The following KCNK4 variants were observed in gnomAD, a reference collection of about 807,000 sequenced individuals.
The protein encoded by KCNK4 is potassium channel subfamily K member 4.
A neutral mutation model predicts 28.8 loss-of-function variants in KCNK4; 22 were observed. The observed-to-expected ratio is 0.76, with a 90% CI of 0.55 to 1.09. KCNK4 has a LOEUF of 1.09. KCNK4 is among the 50% of genes least tolerant of loss of function. The pLI, the probability that KCNK4 is intolerant of heterozygous loss-of-function variation, is 0.00. For synonymous variants in KCNK4, 263 were observed against 252.9 expected (o/e 1.04, Z -0.38); for missense variants, 483 against 546.3 (o/e 0.88, Z 1.15).
chr11:64,297,789 C>G, intron 5 of KCNK4, 136 bp downstream of exon 5: 1 of 889,462 alleles, frequency 1.1e-6, no homozygotes, highest in South Asian at 1.7e-5. Flanking sequence ...ACCATCACAG[C>G]CTTGCACACA....
intron 1 of KCNK4, chr11:64,291,931 C>G (rs1398579798): frequency 1.3e-6 from 1 of 749,936 alleles, no homozygotes; most frequent in Non-Finnish European, 1.7e-6. Context: ...CGCCACGCTC[C>G]GAGGCGTCGC....
intron 1 of KCNK4, chr11:64,292,535 C>G (rs1398950962): frequency 6.5e-6 from 1 of 152,952 alleles, no homozygotes; most frequent in Non-Finnish European, 1.5e-5. Context: ...TTGCGCTGTC[C>G]GGCCTCTCCT....
rs970775199 is a variant in KCNK4 at position 64,291,674 on chromosome 11, G to T, written c.-78+108G>T. 4.0e-3 allele frequency: 604 copies of T among 152,014 alleles called. 3 individuals are homozygous for T. The highest frequency in any genetic ancestry group is 6.9e-3 in the Middle Eastern group (2 of 290). The allele number at this position is 152,014 out of a possible 1,614,324, so 9.4% of individuals were successfully genotyped here. A position where few individuals can be genotyped will look rare whatever the true frequency, so the allele number is the denominator to read the frequency against. ...GGGGGCTTCTGCCGGCGGGAGGGGG[G>T]TCCCAGCCCCGGCGGCCGCCCGCTC... On this transcript the variant is annotated intron_variant, in intron 1 of 6. Coordinates refer to ENST00000422670, the MANE Select transcript of KCNK4 (RefSeq NM_033310.3).
rs2034886026 is a variant in KCNK4 at position 64,299,816 on chromosome 11, C to T, written c.*90C>T. 6.5e-7 allele frequency: 1 copy of T among 1,535,536 alleles called. No individual in the cohort carries two copies. Among genetic ancestry groups the T allele is most frequent in the South Asian group, 1.2e-5 (1 of 84,074 alleles). On this transcript the variant is annotated 3_prime_UTR_variant, in exon 7 of 7. Transcript: ENST00000422670. ...GTTTGACCAAAGAGCCCTCTTTCCACGAGACTGAAGTCTGGGGAGGAGGCT... is the reference window on the plus strand; with the variant it reads ...GTTTGACCAAAGAGCCCTCTTTCCATGAGACTGAAGTCTGGGGAGGAGGCT...
chr11:64,295,745 G>A (rs2034748537), intron 2 of KCNK4, among the ~76,000 whole-genome samples: 1 of 152,066 alleles, frequency 6.6e-6, no homozygotes, highest in African/African-American at 2.4e-5. Context: ...GGGTGTTTAG[G>A]CCTGCAAGGA....
intron 2 of KCNK4, 69 bp downstream of exon 2, chr11:64,293,276 G>A: frequency 1.5e-6 from 2 of 1,374,448 alleles, no homozygotes; most frequent in Non-Finnish European, 9.5e-7. Context: ...GTGCCAGTGA[G>A]GCCCTGTGCC....
intron 6 of KCNK4, among the ~76,000 whole-genome samples, chr11:64,298,686 C>G (rs1179065165): frequency 6.6e-6 from 1 of 151,792 alleles, no homozygotes; most frequent in Non-Finnish European, 1.5e-5. Context: ...TGGTCTCAAA[C>G]AAACAAACAT....
intron 2 of KCNK4, among the ~76,000 whole-genome samples, chr11:64,296,399 AAC>A (rs1167213826): frequency 6.6e-6 from 1 of 152,022 alleles, no homozygotes; most frequent in African/African-American, 2.4e-5. Flanking sequence ...GAAAGCTGGA[AAC>A]ACAGGGTGTG....
chr11:64,293,282 G>A (rs2034686013), intron 2 of KCNK4, 75 bp downstream of exon 2: 2 of 1,365,710 alleles, frequency 1.5e-6, no homozygotes, highest in African/African-American at 3.0e-5. Flanking sequence ...GTGAGGCCCT[G>A]TGCCAGTGCT....
In KCNK4 at chr11:64,299,721, G is replaced by C. The variant is rs756418807; in HGVS notation, c.1177G>C (p.Val393Leu). ...GCGTCCCCGAGACAAAGGCGTGCCG[G>C]TGTAGGGGCAGGATCCCTGGCCGGG... ...PGRPRDKGVP[V>L] is the part of the protein sequence containing the mutation. Residue 393 changes from valine (V) to leucine (L), a missense_variant, in exon 7 of 7, where the codon GTG (valine) becomes CTG (leucine). Val to Leu is a conservative substitution (Grantham distance 32). Coordinates refer to ENST00000422670, the MANE Select transcript of KCNK4 (RefSeq NM_033310.3). 8 of 1,555,356 alleles carry C rather than the reference G, an allele frequency of 5.1e-6. No individual in the cohort carries two copies. The highest frequency in any genetic ancestry group is 6.9e-6 in the Non-Finnish European group (8 of 1,153,858).
intron 6 of KCNK4, among the ~76,000 whole-genome samples, chr11:64,298,768 G>A (rs2034842583): frequency 1.3e-5 from 2 of 151,992 alleles, no homozygotes; most frequent in South Asian, 4.1e-4. Flanking sequence ...TATGGCGGGG[G>A]GCAGTGGCTC....
intron 2 of KCNK4, 116 bp downstream of exon 2, chr11:64,293,323 G>A: frequency 1.8e-6 from 2 of 1,141,648 alleles, no homozygotes; most frequent in Non-Finnish European, 2.3e-6. Flanking sequence ...GAGGACGGGT[G>A]CAGTGGGAGG....
chr11:64,298,036 G>A (rs1187641355), intron 5 of KCNK4, 74 bp from the exon 6 acceptor site: 3 of 1,542,680 alleles, frequency 1.9e-6, no homozygotes, highest in Non-Finnish European at 2.6e-6. Flanking sequence ...GGAACTGGGA[G>A]GGGGGCACTG....
rs559602986 is a variant in KCNK4, at chr11:64,294,581, C to T, written c.189+1374C>T. 3.5e-4 allele frequency among the ~76,000 whole-genome samples: 52 copies of T among 150,620 alleles called. 3 individuals carry two copies. In the South Asian group the frequency reaches 0.01, roughly 29 times the overall value. ...CTTCTGGGATACAGTCAGGCAGGCACGTCTGTTACTTTTTCTGATTTCGGA... is the reference window on the plus strand; with the variant it reads ...CTTCTGGGATACAGTCAGGCAGGCATGTCTGTTACTTTTTCTGATTTCGGA... On this transcript the variant is annotated intron_variant, in intron 2 of 6. Transcript: ENST00000422670.
Position 64,293,216 on chromosome 11 carries a change from G to C in KCNK4, c.189+9G>C. 6.9e-7 allele frequency: 1 copy of C among 1,446,604 alleles called. No individual in the cohort carries two copies. Among genetic ancestry groups the C allele is most frequent in the Non-Finnish European group, 9.1e-7 (1 of 1,092,962 alleles). The allele number at this position is 1,446,604 out of a possible 1,614,324, so 89.6% of individuals were successfully genotyped here. ...TGGGCCTCCTCATCAAGGTGCGTGG[G>C]TGGGCCGCAGCCCCTTCAGCTGTCA... On this transcript the variant is annotated intron_variant, in intron 2 of 6. Coordinates refer to ENST00000422670, the MANE Select transcript of KCNK4 (RefSeq NM_033310.3).
intron 6 of KCNK4, 128 bp downstream of exon 6, chr11:64,298,377 CTGTGTG>C: frequency 8.8e-7 from 1 of 1,133,830 alleles, no homozygotes; most frequent in Non-Finnish European, 1.3e-6. Flanking sequence ...GAGTGAGCCT[CTGTGTG>C]TGCCCCGCAG....
chr11:64,292,954 C>T lies in KCNK4; in HGVS notation c.-65C>T. ...GTTTTGCCCGCAGTGACGACAGCTC[C>T]CCAGGAGCCCCCCGCCCGGCCCCTC... On this transcript the variant is annotated 5_prime_UTR_variant, in exon 2 of 7. Coordinates refer to ENST00000422670, the MANE Select transcript of KCNK4 (RefSeq NM_033310.3). The T allele has an allele frequency of 6.7e-7, 1 of 1,483,122 alleles. No homozygotes were observed. The highest frequency in any genetic ancestry group is 8.9e-7 in the Non-Finnish European group (1 of 1,121,660). 91.9% of individuals were successfully genotyped at this position (1,483,122 alleles called of 1,614,324 possible).
chr11:64,294,515 C>CAAAAAAA (rs771542870), intron 2 of KCNK4, among the ~76,000 whole-genome samples: 13 of 92,420 alleles, frequency 1.4e-4, no homozygotes, highest in African/African-American at 2.3e-4. Flanking sequence ...TGATCGGTCT[C>CAAAAAAA]AAAAAAAAAA....
intron 1 of KCNK4, chr11:64,292,048 G>A: frequency 8.8e-7 from 1 of 1,142,518 alleles, no homozygotes; most frequent in Non-Finnish European, 1.1e-6. Flanking sequence ...GTGGGCTCTG[G>A]GTGCCCTGGC....
Sources: allele counts gnomAD v4.1 joint callset (sites outside exome capture counted in the v4.1 genomes callset), GRCh38; gene constraint gnomAD v4.1.1; transcripts MANE v1.5; gene names NCBI Gene and HGNC (gene_info 2026-07-23, HGNC 2026-07-21).